The following DNAH8 variants were observed in gnomAD, a reference collection of about 807,000 sequenced individuals.
DNAH8 encodes axonemal beta dynein heavy chain 8.
Under a neutral mutation model 562.1 loss-of-function variants are expected in DNAH8, and 382 were observed. The observed-to-expected ratio is 0.68, with a 90% confidence interval of 0.63 to 0.74. DNAH8 has a LOEUF of 0.74. DNAH8 is among the 30% of genes least tolerant of loss of function. The pLI is 0.00. For synonymous variants in DNAH8, 1,881 were observed against 1,919.4 expected (o/e 0.98, Z 0.52); for missense variants, 5,203 against 5,620.4 (o/e 0.93, Z 2.37).
chr6:38,924,102 A>G lies in DNAH8; in HGVS notation c.10902A>G (p.Ala3634=). The stretch of plus-strand genomic sequence containing the variant: ...ATCAATGGGAAATGGAGTTGAGAGC[A>G]CGGAAAATTCCTTTCACAGAAAACC... ...LKDQWEMELR[A]RKIPFTENLN... Residue 3634 remains alanine, a synonymous_variant, in exon 73 of 93, where the codon GCA becomes GCG. Coordinates refer to ENST00000327475, the MANE Select transcript of DNAH8 (RefSeq NM_001206927.2). 1.2e-6 allele frequency: 2 copies of G among 1,614,106 alleles called. No homozygotes were observed. The highest frequency in any genetic ancestry group is 1.7e-6 in the Non-Finnish European group (2 of 1,179,946).
At chr6:38,724,906 T>A (rs958072686) in intron 3 of DNAH8, among the ~76,000 whole-genome samples, 5 of 152,006 alleles carry the variant, frequency 3.3e-5, no homozygotes, top group African/African-American at 1.2e-4. Context: ...GGTGAGGTTG[T>A]CACCATGGGG....
chr6:38,956,258 G>T (rs755895981), intron 82 of DNAH8, among the ~76,000 whole-genome samples: 1 of 152,196 alleles, frequency 6.6e-6, no homozygotes, highest in African/African-American at 2.4e-5. Flanking sequence ...CCCACTGTCA[G>T]CTCTGGTCCC....
intron 30 of DNAH8, among the ~76,000 whole-genome samples, chr6:38,831,430 C>CAAAAAAAAAA (rs67322321): frequency 2.1e-4 from 19 of 88,986 alleles, no homozygotes; most frequent in Non-Finnish European, 2.8e-4. Flanking sequence ...GACACCATCT[C>CAAAAAAAAAA]AAAAAAAAAA....
chr6:38,967,411 A>T (rs947020586), intron 82 of DNAH8, among the ~76,000 whole-genome samples: 24 of 152,208 alleles, frequency 1.6e-4, no homozygotes, highest in African/African-American at 5.5e-4. Context: ...AAACAATTAG[A>T]GCTAATAGAT....
chr6:38,915,113 G>A, intron 67 of DNAH8, 88 bp from the exon 68 acceptor site: 1 of 1,139,568 alleles, frequency 8.8e-7, no homozygotes, highest in African/African-American at 1.6e-5. Context: ...TTTATATTAT[G>A]TTGAATAAAT....
At chr6:38,898,410 AATAGATGATTTAAAAGCTTCGTATATTTC>A (rs768171329) in intron 61 of DNAH8, 30 bp downstream of exon 61, 3 of 1,504,142 alleles carry the variant, frequency 2.0e-6, no homozygotes, top group Non-Finnish European at 8.8e-7. Context: ...TACTGATATA[AATAGATGATTTAAAAGCTTCGTATATTTC>A]ATAGATAAAT....
At chr6:38,873,770 C>A (rs72852745) in intron 52 of DNAH8, among the ~76,000 whole-genome samples, 14 of 24,358 alleles carry the variant, frequency 5.7e-4, no homozygotes, top group South Asian at 2.4e-3. Flanking sequence ...ACACACACAC[C>A]CCTGCACTCC....
chr6:38,782,390 C>T lies in DNAH8; in HGVS notation c.2260-614C>T, dbSNP rs868392268. Among the ~76,000 whole-genome samples the T allele has an allele frequency of 2.7e-4, 41 of 152,234 alleles. No individual in the cohort carries two copies. The Middle Eastern group carries it at 0.014, about 51-fold the overall frequency. On this transcript the variant is annotated intron_variant, in intron 16 of 92. Transcript: ENST00000327475. ...CCGCATCCTGGGTTCAAGCAATTCT[C>T]CTGCCTCAGCCTCTGGAGTAGCTGG...
At chr6:38,790,241 AG>A (rs1260048183) in intron 19 of DNAH8, 47 bp from the exon 20 acceptor site, 2 of 953,252 alleles carry the variant, frequency 2.1e-6, no homozygotes, top group Non-Finnish European at 3.4e-6. Flanking sequence ...CTATAAGTGC[AG>A]ATGCTCCTGT....
At chr6:38,738,005 G>A in intron 7 of DNAH8, 33 bp downstream of exon 7, 1 of 1,600,028 alleles carries the variant, frequency 6.2e-7, no homozygotes. Context: ...ATCTGGACTA[G>A]TAGTTTTCAT....
intron 88 of DNAH8, among the ~76,000 whole-genome samples, chr6:39,004,410 A>G (rs1176163307): frequency 5.3e-5 from 8 of 152,118 alleles, no homozygotes; most frequent in Admixed American, 3.3e-4. Context: ...TCTTTTCTAT[A>G]CTTCAAACCT....
intron 85 of DNAH8, among the ~76,000 whole-genome samples, chr6:38,978,698 G>A (rs1331660561): frequency 6.6e-6 from 1 of 152,196 alleles, no homozygotes; most frequent in Non-Finnish European, 1.5e-5. Context: ...CTGCAGCTCT[G>A]TGGGAACTGC....
intron 53 of DNAH8, among the ~76,000 whole-genome samples, chr6:38,880,973 G>A (rs989319098): frequency 2.6e-5 from 4 of 152,148 alleles, no homozygotes; most frequent in African/African-American, 4.8e-5. Flanking sequence ...GCTGCAGTGA[G>A]CTGAGATCGC....
At chr6:38,998,522 A>G (rs982776020) in intron 88 of DNAH8, among the ~76,000 whole-genome samples, 2 of 152,212 alleles carry the variant, frequency 1.3e-5, no homozygotes, top group Admixed American at 1.3e-4. Context: ...ACAAATTGAA[A>G]TGTATTCCCT....
At chr6:38,963,445 A>G (rs1164482296) in intron 82 of DNAH8, among the ~76,000 whole-genome samples, 40 of 112,602 alleles carry the variant, frequency 3.6e-4, no homozygotes, top group African/African-American at 1.4e-3. Context: ...GCTCACAACA[A>G]CCTCTGCCTC....
At chr6:38,876,222 T>C (rs1456637672) in intron 53 of DNAH8, among the ~76,000 whole-genome samples, 2 of 151,992 alleles carry the variant, frequency 1.3e-5, no homozygotes, top group Admixed American at 6.6e-5. Context: ...CCAGAATGAG[T>C]AGAGAATGAA....
At position 38,788,193 on chromosome 6, in the gene DNAH8, C is replaced by T. The variant is rs141200051; in HGVS notation, c.2583+1241C>T. ...TTGTTGTTGGAGTCTTGCTCTGTTG[C>T]CAGGCTGGAGTGCAGAGGCATGATC... On this transcript the variant is annotated intron_variant, in intron 18 of 92. Coordinates refer to ENST00000327475, the MANE Select transcript of DNAH8 (RefSeq NM_001206927.2). Among the ~76,000 whole-genome samples, 1,616 of 151,008 alleles carry T rather than the reference C, an allele frequency of 0.011. 81 individuals carry two copies. The East Asian group carries it at 0.14, about 14-fold the overall frequency.
At chr6:38,882,212 A>G (rs1022700759) in intron 53 of DNAH8, among the ~76,000 whole-genome samples, 2 of 152,164 alleles carry the variant, frequency 1.3e-5, no homozygotes, top group African/African-American at 4.8e-5. Flanking sequence ...ATTATTGGGT[A>G]TTATACTCAA....
intron 82 of DNAH8, among the ~76,000 whole-genome samples, chr6:38,970,084 C>G (rs1031803351): frequency 2.6e-5 from 4 of 152,150 alleles, no homozygotes; most frequent in African/African-American, 7.2e-5. Context: ...ATACCTGGAT[C>G]AAGCAACAAC....
Sources: gnomAD v4.1 joint callset for allele counts (sites outside exome capture counted in the v4.1 genomes callset) on GRCh38, gnomAD v4.1.1 for gene constraint, MANE v1.5 for transcripts, NCBI Gene and HGNC (gene_info 2026-07-23, HGNC 2026-07-21) for gene names.